Variants in ELF2 observed in about 807,000 individuals in gnomAD.
ELF2 encodes ETS-related transcription factor Elf-2.
ELF2 carries 11 observed loss-of-function variants against 54.8 expected under a neutral mutation model. The ratio of observed to expected loss-of-function variants is 0.20; its 90% CI spans 0.13 to 0.33. ELF2 has a LOEUF of 0.33. ELF2 is among the 10% of genes least tolerant of loss of function. The pLI, the probability that ELF2 is intolerant of heterozygous loss-of-function variation, is 1.00. For missense variants in ELF2, 513 were observed against 703.0 expected, an observed-to-expected ratio of 0.73 and a Z score of 3.06; for synonymous variants, 203 against 245.1, an observed-to-expected ratio of 0.83 and a Z score of 1.61.
chr4:139,063,393 T>G (rs1728179720), intron 7 of ELF2, among the ~76,000 whole-genome samples: 1 of 152,228 alleles, frequency 6.6e-6, no homozygotes, highest in Non-Finnish European at 1.5e-5. Flanking sequence ...ACTTATATCT[T>G]AAATTCTGAG....
chr4:139,115,728 C>A (rs913079685), intron 4 of ELF2, among the ~76,000 whole-genome samples: 2 of 152,178 alleles, frequency 1.3e-5, no homozygotes, highest in African/African-American at 4.8e-5. Context: ...AGTTGATAGT[C>A]TCTTAAAAGT....
At chr4:139,132,449 G>GCACACA (rs140674057) in intron 3 of ELF2, among the ~76,000 whole-genome samples, 2 of 151,838 alleles carry the variant, frequency 1.3e-5, no homozygotes, top group East Asian at 3.9e-4. Context: ...ACATGTGCAT[G>GCACACA]CACACACACA....
intron 1 of ELF2, among the ~76,000 whole-genome samples, chr4:139,148,707 A>G (rs959491699): frequency 4.6e-5 from 7 of 151,820 alleles, no homozygotes; most frequent in Non-Finnish European, 1.0e-4. Context: ...TGTACAAGAC[A>G]TATGTTCTAT....
chr4:139,142,194 G>A (rs992759677), intron 1 of ELF2, among the ~76,000 whole-genome samples: 1 of 152,178 alleles, frequency 6.6e-6, no homozygotes, highest in Non-Finnish European at 1.5e-5. Context: ...AGGGAGAGCT[G>A]CCAATTCAGA....
intron 1 of ELF2, among the ~76,000 whole-genome samples, chr4:139,171,214 C>T (rs1742276734): frequency 6.6e-6 from 1 of 152,026 alleles, no homozygotes. Flanking sequence ...GCAGTGAGAC[C>T]CCCATCGCTA....
chr4:139,137,481 T>C, intron 3 of ELF2, 149 bp downstream of exon 3: 1 of 769,182 alleles, frequency 1.3e-6, no homozygotes, highest in South Asian at 1.8e-5. Context: ...TTCTATTACC[T>C]AAATTATATA....
intron 3 of ELF2, among the ~76,000 whole-genome samples, chr4:139,133,639 T>C (rs1737790539): frequency 6.7e-6 from 1 of 149,878 alleles, no homozygotes; most frequent in Admixed American, 6.6e-5. Context: ...TCCCTACCTT[T>C]TTTTTTTTTT....
chr4:139,123,793 TTC>T (rs550895275), intron 4 of ELF2, among the ~76,000 whole-genome samples: 17 of 152,220 alleles, frequency 1.1e-4, no homozygotes, highest in Non-Finnish European at 2.1e-4. Flanking sequence ...GCTATTAGTG[TTC>T]TGTTTAGTTA....
chr4:139,137,487 A>G lies in ELF2; in HGVS notation c.72+143T>C, dbSNP rs909757516. ...TCCTTGACCTTCTATTACCTAAATT[A>G]TATAAGGATACACGACATGTACATG... On this transcript the variant is annotated intron_variant, in intron 3 of 9. Transcript: ENST00000686138. 1.4e-5 allele frequency: 11 copies of G among 801,414 alleles called. No individual in the cohort carries two copies. In the Admixed American group the frequency reaches 2.7e-4, roughly 20 times the overall value. 49.6% of individuals were successfully genotyped at this position (801,414 alleles called of 1,614,324 possible).
At chr4:139,173,844 T>C (rs985745781) in intron 1 of ELF2, among the ~76,000 whole-genome samples, 8 of 151,622 alleles carry the variant, frequency 5.3e-5, no homozygotes, top group African/African-American at 1.9e-4. Flanking sequence ...TCCCAGCACT[T>C]TGAGAGGCCA....
chr4:139,082,094 C>T (rs1253025296), intron 4 of ELF2, among the ~76,000 whole-genome samples: 2 of 152,160 alleles, frequency 1.3e-5, no homozygotes, highest in African/African-American at 2.4e-5. Flanking sequence ...TTCAGTTTCA[C>T]CGGTAATTCC....
chr4:139,137,806 T>C lies in ELF2; in HGVS notation c.-105A>G, dbSNP rs548213752. On this transcript the variant is annotated 5_prime_UTR_variant, in exon 3 of 10. Transcript: ENST00000686138. ...TGCATTATCATGTTTTAAAAGTCAA[T>C]AGAGATGGAGTGGAGTAGATATCCA... is the stretch of plus-strand genomic sequence containing the variant. 14 of 1,517,314 alleles carry C rather than the reference T, an allele frequency of 9.2e-6. No individual in the cohort carries two copies. Among genetic ancestry groups the C allele is most frequent in the Middle Eastern group, 1.7e-4 (1 of 5,764 alleles). 94.0% of individuals were successfully genotyped at this position (1,517,314 alleles called of 1,614,324 possible).
chr4:139,102,772 C>T (rs1165875505), intron 4 of ELF2, among the ~76,000 whole-genome samples: 8 of 151,992 alleles, frequency 5.3e-5, no homozygotes, highest in Admixed American at 3.9e-4. Flanking sequence ...ACCCAGGAGG[C>T]GGAGGTTGCA....
chr4:139,085,027 A>T (rs1160465949), intron 4 of ELF2, among the ~76,000 whole-genome samples: 2 of 152,246 alleles, frequency 1.3e-5, no homozygotes, highest in Non-Finnish European at 1.5e-5. Context: ...TATGCTAATC[A>T]TGAAATTCAT....
Position 139,087,822 on chromosome 4 carries a change from A to G in ELF2, c.239-14255T>C, listed in dbSNP as rs567543892. 1.2e-4 allele frequency among the ~76,000 whole-genome samples: 19 copies of G among 152,346 alleles called. No individual in the cohort carries two copies. The East Asian group carries it at 3.3e-3, about 26-fold the overall frequency. ...CACCCAAATGTACATGAGTTAGAAT[A>G]GTTAATGATCTCTATAGTTTAAACG... is the stretch of plus-strand genomic sequence containing the variant. On this transcript the variant is annotated intron_variant, in intron 4 of 9. Transcript: ENST00000686138.
At chr4:139,062,181 T>A in intron 7 of ELF2, 124 bp from the exon 8 acceptor site, 1 of 1,079,638 alleles carries the variant, frequency 9.3e-7, no homozygotes, top group South Asian at 1.7e-5. Context: ...CTACTTTTTT[T>A]TTTTTTGGAG....
intron 4 of ELF2, chr4:139,084,432 GGGCAGGGGCGGCGGCGGCGGCGGCGGC>G (rs1468748250): frequency 8.4e-7 from 1 of 1,184,328 alleles, no homozygotes; most frequent in Non-Finnish European, 1.0e-6. Flanking sequence ...GGGGCGGCAG[GGGCAGGGGCGGCGGCGGCGGCGGCGGC>G]GGCTGTGGCT....
At chr4:139,143,458 T>G (rs961597961) in intron 1 of ELF2, among the ~76,000 whole-genome samples, 1 of 152,094 alleles carries the variant, frequency 6.6e-6, no homozygotes, top group African/African-American at 2.4e-5. Context: ...CATTTTACTC[T>G]TTTTCCCCTT....
At chr4:139,108,855 C>G (rs1239785614) in intron 4 of ELF2, among the ~76,000 whole-genome samples, 1 of 152,146 alleles carries the variant, frequency 6.6e-6, no homozygotes, top group Non-Finnish European at 1.5e-5. Context: ...ACAGAACAAC[C>G]TTCAAACTCA....
Sources: allele counts gnomAD v4.1 joint callset (sites outside exome capture counted in the v4.1 genomes callset), GRCh38; gene constraint gnomAD v4.1.1; transcripts MANE v1.5; gene names NCBI Gene and HGNC (gene_info 2026-07-23, HGNC 2026-07-21).